The following GRID2 variants were observed in gnomAD, a reference collection of about 807,000 sequenced individuals.
GRID2 encodes glutamate ionotropic receptor delta type subunit 2, also known as glutamate receptor ionotropic, delta-2.
In GRID2, 33 loss-of-function variants were observed where a neutral mutation model predicts 114.8. The ratio of observed to expected loss-of-function variants is 0.29; its 90% CI spans 0.22 to 0.38. The LOEUF is 0.38. Ranked by LOEUF, GRID2 falls within the 10% of genes least tolerant of loss-of-function variation. GRID2 has a pLI of 1.00. For missense variants in GRID2, 1,184 were observed against 1,257.7 expected (o/e 0.94, Z 0.89); for synonymous variants, 505 against 449.9 (o/e 1.12, Z -1.55).
chr4:93,480,169 A>G (rs193185591), intron 11 of GRID2, among the ~76,000 whole-genome samples: 1 of 152,258 alleles, frequency 6.6e-6, no homozygotes, highest in African/African-American at 2.4e-5. Flanking sequence ...AAGCTATAGT[A>G]GAACTGACTG....
intron 2 of GRID2, among the ~76,000 whole-genome samples, chr4:92,745,273 A>AT (rs1440076937): frequency 1.3e-5 from 2 of 152,222 alleles, no homozygotes; most frequent in Non-Finnish European, 2.9e-5. Context: ...TCTTTAAAAA[A>AT]TTACTTACAT....
chr4:92,813,778 CTGAG>C (rs938718569), intron 2 of GRID2, among the ~76,000 whole-genome samples: 3 of 152,086 alleles, frequency 2.0e-5, no homozygotes, highest in African/African-American at 7.2e-5. Context: ...TAATATAAAA[CTGAG>C]TTTCTAAAGG....
intron 8 of GRID2, among the ~76,000 whole-genome samples, chr4:93,370,462 AACACGCACACAGAGACACACACAC>A (rs1329159400): frequency 7.1e-6 from 1 of 139,944 alleles, no homozygotes; most frequent in African/African-American, 2.7e-5. Flanking sequence ...CGCACACACA[AACACGCACACAGAGACACACACAC>A]ACACGCACAC....
At chr4:93,108,803 G>A (rs1732497426) in intron 3 of GRID2, among the ~76,000 whole-genome samples, 2 of 151,664 alleles carry the variant, frequency 1.3e-5, no homozygotes, top group Non-Finnish European at 2.9e-5. Flanking sequence ...ACTAATTTTC[G>A]TATTTTTAGT....
intron 2 of GRID2, among the ~76,000 whole-genome samples, chr4:93,083,693 CTCAA>C (rs1730081896): frequency 1.2e-5 from 1 of 84,022 alleles, no homozygotes; most frequent in Non-Finnish European, 2.1e-5. Context: ...GAGACTCCAT[CTCAA>C]AAAAAAAAAA....
chr4:92,524,759 T>C (rs372740739), intron 1 of GRID2, among the ~76,000 whole-genome samples: 154 of 152,034 alleles, frequency 1.0e-3, no homozygotes, highest in Non-Finnish European at 1.7e-3. Flanking sequence ...GAAAACCTAA[T>C]ATATTCACAT....
chr4:93,472,227 G>T (rs953273910), intron 11 of GRID2, among the ~76,000 whole-genome samples: 1 of 151,796 alleles, frequency 6.6e-6, no homozygotes, highest in Non-Finnish European at 1.5e-5. Flanking sequence ...GGGAGGCTGA[G>T]GCAGGAGAAT....
intron 13 of GRID2, among the ~76,000 whole-genome samples, chr4:93,549,113 A>AT (rs951741240): frequency 2.0e-5 from 3 of 152,186 alleles, no homozygotes; most frequent in Admixed American, 6.5e-5. Context: ...TTTTAAAAAA[A>AT]TTTTTTTCTC....
intron 11 of GRID2, among the ~76,000 whole-genome samples, chr4:93,476,599 T>G (rs911706498): frequency 1.4e-4 from 21 of 152,122 alleles, no homozygotes; most frequent in Admixed American, 7.9e-4. Flanking sequence ...GGCTACTTGG[T>G]TTCTCCTTTT....
chr4:92,381,067 A>C (rs1579269532), intron 1 of GRID2, among the ~76,000 whole-genome samples: 1 of 152,056 alleles, frequency 6.6e-6, no homozygotes, highest in East Asian at 1.9e-4. Context: ...ATGCAATCTT[A>C]AGCCTCTTTG....
chr4:93,786,957 G>T (rs1178096615), intron 1 of GRID2, among the ~76,000 whole-genome samples: 1 of 152,094 alleles, frequency 6.6e-6, no homozygotes, highest in Admixed American at 6.6e-5. Context: ...AATGGTGTAT[G>T]AAGTATAGTG....
chr4:93,777,340 A>G (rs2110347883), downstream of GRID2, among the ~76,000 whole-genome samples: 1 of 152,318 alleles, frequency 6.6e-6, no homozygotes, highest in African/African-American at 2.4e-5. Flanking sequence ...TGTAACATTG[A>G]TGACAAAACA....
At chr4:92,926,003 A>G (rs945737451) in intron 2 of GRID2, among the ~76,000 whole-genome samples, 4 of 152,042 alleles carry the variant, frequency 2.6e-5, no homozygotes, top group African/African-American at 9.7e-5. Flanking sequence ...AATTCTGTTT[A>G]CTACAGAATT....
intron 2 of GRID2, among the ~76,000 whole-genome samples, chr4:92,953,426 T>A (rs1272086524): frequency 6.6e-6 from 1 of 152,158 alleles, no homozygotes; most frequent in Non-Finnish European, 1.5e-5. Context: ...TTTAGAAAAA[T>A]TCAGTAAATT....
chr4:92,687,309 A>G (rs1733955184), intron 2 of GRID2, among the ~76,000 whole-genome samples: 2 of 152,170 alleles, frequency 1.3e-5, no homozygotes, highest in East Asian at 3.9e-4. Flanking sequence ...AATTCTTACC[A>G]GAAATATATA....
intron 2 of GRID2, among the ~76,000 whole-genome samples, chr4:92,678,618 CT>C (rs1035927798): frequency 6.6e-6 from 1 of 151,026 alleles, no homozygotes; most frequent in Non-Finnish European, 1.5e-5. Flanking sequence ...GTTGGTGTTA[CT>C]TTTTTTAAAA....
In GRID2 at chr4:92,761,801, G is replaced by A. The variant is rs537652365; in HGVS notation, c.244+171515G>A. On this transcript the variant is annotated intron_variant, in intron 2 of 15. Transcript: ENST00000282020. ...GAGAGATCAAATACAACTCAAATCA[G>A]CCACTTCCTCAGCCAAGGGTTCTAA... Among the ~76,000 whole-genome samples, 5 of 152,224 alleles carry A rather than the reference G, an allele frequency of 3.3e-5. No individual in the cohort carries two copies. In the South Asian group the frequency reaches 8.3e-4, roughly 25 times the overall value.
chr4:92,763,713 T>C (rs1378709559), intron 2 of GRID2, among the ~76,000 whole-genome samples: 4 of 152,134 alleles, frequency 2.6e-5, no homozygotes, highest in African/African-American at 7.2e-5. Context: ...GGGATACGAA[T>C]TAAGTGACAG....
intron 2 of GRID2, among the ~76,000 whole-genome samples, chr4:92,744,210 G>A (rs1033125079): frequency 8.5e-5 from 13 of 152,050 alleles, no homozygotes; most frequent in Admixed American, 1.3e-4. Flanking sequence ...GATATTCAGA[G>A]GGGCCAGGCA....
Sources: allele counts gnomAD v4.1 joint callset (sites outside exome capture counted in the v4.1 genomes callset), GRCh38; gene constraint gnomAD v4.1.1; transcripts MANE v1.5; gene names NCBI Gene and HGNC (gene_info 2026-07-23, HGNC 2026-07-21).